Variants in RBM5 observed in about 807,000 individuals in gnomAD.
RBM5 encodes RNA-binding protein 5.
Under a neutral mutation model 124.6 loss-of-function variants are expected in RBM5, and 15 were observed. The ratio of observed to expected loss-of-function variants is 0.12; its 90% confidence interval spans 0.08 to 0.19. The LOEUF (loss-of-function observed/expected upper bound fraction) is 0.19, where lower values mean the gene tolerates loss of function less well. Ranked by LOEUF, RBM5 falls within the 10% of genes least tolerant of loss-of-function variation. RBM5 has a pLI of 1.00. For synonymous variants in RBM5, 337 were observed against 361.2 expected (o/e 0.93, Z 0.76); for missense variants, 580 against 1,026.5 (o/e 0.57, Z 5.94).
rs377258178 is a variant in RBM5, at chr3:50,115,495, G to C, written c.1907G>C (p.Ser636Thr). Reference sequence around the variant, plus strand: ...GAGGAGCTGGTGGAGAGACTTGAGAGTGAGGAAGAGAAGCTAGCTGACTGG... The same window carrying C: ...GAGGAGCTGGTGGAGAGACTTGAGACTGAGGAAGAGAAGCTAGCTGACTGG... ...NEEELVERLESEEEKLADWKK... is the reference protein window; with the variant it reads ...NEEELVERLETEEEKLADWKK... The change falls in exon 21 of 25, where the codon AGT (serine) becomes ACT (threonine). Residue 636 changes from serine (S) to threonine (T), a missense_variant. Physicochemically the swap from Ser to Thr is moderately conservative, Grantham distance 58 (BLOSUM62 1). Coordinates refer to ENST00000347869, the MANE Select transcript of RBM5 (RefSeq NM_005778.4). The C allele has an allele frequency of 1.9e-6, 3 of 1,614,140 alleles. No homozygotes were observed. Among genetic ancestry groups the C allele is most frequent in the Non-Finnish European group, 2.5e-6 (3 of 1,180,020 alleles).
chr3:50,110,506 A>T, intron 16 of RBM5, 43 bp downstream of exon 16: 4 of 1,572,796 alleles, frequency 2.5e-6, no homozygotes, highest in Non-Finnish European at 3.5e-6. Flanking sequence ...GGAAGGTCTT[A>T]GTTGTTGTCT....
At chr3:50,095,686 G>A (rs2090799305) in intron 4 of RBM5, among the ~76,000 whole-genome samples, 1 of 151,790 alleles carries the variant, frequency 6.6e-6, no homozygotes, top group Admixed American at 6.6e-5. Context: ...TCTTCCTAAG[G>A]CACTGTATTC....
In RBM5 at chr3:50,108,224, T is replaced by C; in HGVS notation, c.1120-8T>C. On this transcript the variant is annotated splice_polypyrimidine_tract_variant and splice_region_variant and intron_variant, in intron 13 of 24. Coordinates refer to ENST00000347869, the MANE Select transcript of RBM5 (RefSeq NM_005778.4). ...GAATAGCAGCTTTAATGGTGGACTT[T>C]TCTTCAGTATTCACAGGATTATCAG... 6.2e-7 allele frequency: 1 copy of C among 1,611,992 alleles called. No homozygotes were observed. The highest frequency in any genetic ancestry group is 2.2e-5 in the East Asian group (1 of 44,874).
chr3:50,109,423 A>T (rs750034705), intron 14 of RBM5, among the ~76,000 whole-genome samples, 180 bp from the exon 15 acceptor site: 1 of 152,062 alleles, frequency 6.6e-6, no homozygotes, highest in Non-Finnish European at 1.5e-5. Flanking sequence ...TGTATATCAC[A>T]TCTAGTAGAA....
chr3:50,105,780 T>A, intron 10 of RBM5, 71 bp downstream of exon 10: 1 of 1,530,926 alleles, frequency 6.5e-7, no homozygotes, highest in African/African-American at 1.4e-5. Context: ...TCATCCAGTT[T>A]TGAAACTGTC....
intron 4 of RBM5, 132 bp downstream of exon 4, chr3:50,094,007 G>T: frequency 1.0e-6 from 1 of 957,326 alleles, no homozygotes; most frequent in East Asian, 2.5e-5. Flanking sequence ...AAAATGCTTG[G>T]GACCAGAACT....
Position 50,103,175 on chromosome 3 carries a change from A to G in RBM5, c.567+9A>G, listed in dbSNP as rs1223027310. The G allele has an allele frequency of 2.5e-6, 4 of 1,591,652 alleles. No individual in the cohort carries two copies. The highest frequency in any genetic ancestry group is 4.5e-5 in the East Asian group (2 of 44,746). On this transcript the variant is annotated intron_variant, in intron 7 of 24. Coordinates refer to ENST00000347869, the MANE Select transcript of RBM5 (RefSeq NM_005778.4). Reference sequence around the variant, plus strand: ...ATTGGCTTTGTAACAAGGTAAGCATATGTTCTTCCCAAATAGACAAAACTC... The same window carrying G: ...ATTGGCTTTGTAACAAGGTAAGCATGTGTTCTTCCCAAATAGACAAAACTC...
rs762427179 is a variant in RBM5, at chr3:50,092,106, G to T, written c.81G>T (p.Glu27Asp). The T allele has an allele frequency of 2.5e-5, 41 of 1,613,954 alleles. No individual in the cohort carries two copies. Among genetic ancestry groups the T allele is most frequent in the Non-Finnish European group, 2.5e-5 (30 of 1,179,998 alleles). Residue 27 changes from glutamate (E) to aspartate (D), a missense_variant, in exon 3 of 25, where the codon GAG becomes GAT. By Grantham distance (45) the Glu-to-Asp change is conservative (BLOSUM62 2). Coordinates refer to ENST00000347869, the MANE Select transcript of RBM5 (RefSeq NM_005778.4). ...GSIIDRDDRDERESRSRRRDS... is the reference protein window; with the variant it reads ...GSIIDRDDRDDRESRSRRRDS... Reference sequence around the variant, plus strand: ...TCATAGACAGGGATGACCGTGATGAGCGTGAATCCCGAAGCAGGCGGAGGG... The same window carrying T: ...TCATAGACAGGGATGACCGTGATGATCGTGAATCCCGAAGCAGGCGGAGGG...
In RBM5 at chr3:50,114,115, G is replaced by A. The variant is rs768778686; in HGVS notation, c.1767+16G>A. On this transcript the variant is annotated intron_variant, in intron 19 of 24. Transcript: ENST00000347869. ...TGAGAAGAAGGTAATAGCAGGAATG[G>A]CCAGTATGTCATGATGGGAACTTAC... 6.2e-7 allele frequency: 1 copy of A among 1,614,152 alleles called. No homozygotes were observed. The highest frequency in any genetic ancestry group is 1.1e-5 in the South Asian group (1 of 91,060).
chr3:50,101,660 A>G (rs1253843182), intron 6 of RBM5: 1 of 152,230 alleles, frequency 6.6e-6, no homozygotes, highest in East Asian at 1.9e-4. Context: ...TTGACATGAT[A>G]GCATTGTTTG....
chr3:50,114,424 TGA>T, intron 20 of RBM5, 173 bp downstream of exon 20: 1 of 587,062 alleles, frequency 1.7e-6, no homozygotes, highest in Non-Finnish European at 2.9e-6. Flanking sequence ...TTGTTTTCTG[TGA>T]GAGCAGATGA....
intron 3 of RBM5, among the ~76,000 whole-genome samples, 153 bp from the exon 4 acceptor site, chr3:50,093,567 C>G (rs1296516184): frequency 2.6e-5 from 4 of 151,740 alleles, no homozygotes; most frequent in African/African-American, 9.7e-5. Context: ...AGTGAGACCC[C>G]TGTCTCAAAA....
Position 50,115,901 on chromosome 3 carries a change from T to C in RBM5, c.2020-5T>C. On this transcript the variant is annotated splice_polypyrimidine_tract_variant and splice_region_variant and intron_variant, in intron 21 of 24. Transcript: ENST00000347869. Reference sequence around the variant, plus strand: ...CTTACTGTGTCTTTCAAATCTTTTGTGTAGCAAAACATGGACATCTATCGA... The same window carrying C: ...CTTACTGTGTCTTTCAAATCTTTTGCGTAGCAAAACATGGACATCTATCGA... 1 of 1,610,556 alleles carries C rather than the reference T, an allele frequency of 6.2e-7. No homozygotes were observed.
chr3:50,098,926 ACAT>A (rs2090881088), intron 4 of RBM5, among the ~76,000 whole-genome samples: 1 of 152,264 alleles, frequency 6.6e-6, no homozygotes, highest in African/African-American at 2.4e-5. Flanking sequence ...GAGGCTTGAG[ACAT>A]CATACCACAA....
At chr3:50,098,643 T>C (rs1186225581) in intron 4 of RBM5, among the ~76,000 whole-genome samples, 1 of 152,016 alleles carries the variant, frequency 6.6e-6, no homozygotes, top group Non-Finnish European at 1.5e-5. Context: ...GGGATTTCAC[T>C]GTGTTAGCCA....
At chr3:50,112,405 G>T (rs2091161687) in intron 17 of RBM5, among the ~76,000 whole-genome samples, 1 of 116,304 alleles carries the variant, frequency 8.6e-6, no homozygotes, top group Non-Finnish European at 1.7e-5. Flanking sequence ...GACGGAGCGA[G>T]ACTCTGTCTA....
chr3:50,111,439 C>T (rs1377766176), intron 17 of RBM5, among the ~76,000 whole-genome samples: 2 of 152,096 alleles, frequency 1.3e-5, no homozygotes, highest in African/African-American at 2.4e-5. Context: ...TTTTGTGGCA[C>T]GATCTTGGCT....
chr3:50,089,762 C>G (rs1049872509), intron 1 of RBM5: 1 of 151,322 alleles, frequency 6.6e-6, no homozygotes, highest in Non-Finnish European at 1.5e-5. Flanking sequence ...CAACGGGGGG[C>G]GGGGGGCCGG....
intron 4 of RBM5, among the ~76,000 whole-genome samples, chr3:50,094,839 A>G (rs1218009729): frequency 1.3e-5 from 2 of 152,226 alleles, no homozygotes; most frequent in Non-Finnish European, 2.9e-5. Flanking sequence ...ACCTGTATCT[A>G]TCTCAGCTAG....
Sources: gnomAD v4.1 joint callset for allele counts (sites outside exome capture counted in the v4.1 genomes callset) on GRCh38, gnomAD v4.1.1 for gene constraint, MANE v1.5 for transcripts, NCBI Gene and HGNC (gene_info 2026-07-23, HGNC 2026-07-21) for gene names.